Variants in SPATA17 observed in about 807,000 individuals in gnomAD.
SPATA17 encodes spermatogenesis associated 17.
Under a neutral mutation model 62.2 loss-of-function variants are expected in SPATA17, and 53 were observed. The observed-to-expected ratio is 0.85, with a 90% confidence interval of 0.68 to 1.07. The LOEUF (loss-of-function observed/expected upper bound fraction) is 1.07, where lower values mean the gene tolerates loss of function less well. Among genes scored for constraint, SPATA17 ranks in the 50% least tolerant of loss-of-function variants. SPATA17 has a pLI of 0.00. For synonymous variants in SPATA17, 146 were observed against 146.8 expected, an observed-to-expected ratio of 0.99 and a Z score of 0.04; for missense variants, 466 against 425.5, an observed-to-expected ratio of 1.10 and a Z score of -0.84.
chr1:217,801,983 G>T (rs1488867065), intron 9 of SPATA17, 133 bp downstream of exon 9: 2 of 935,230 alleles, frequency 2.1e-6, no homozygotes, highest in Non-Finnish European at 1.5e-6. Context: ...GCTGTTTTAG[G>T]TAAAGATGGT....
Position 217,787,714 on chromosome 1 carries a change from C to T in SPATA17, c.872+5392C>T, listed in dbSNP as rs569297866. Among the ~76,000 whole-genome samples, 3 of 152,062 alleles carry T rather than the reference C, an allele frequency of 2.0e-5. No individual in the cohort carries two copies. In the East Asian group the frequency reaches 5.8e-4, roughly 29 times the overall value. ...GTATCTGTCCAGGAATTTTTGGTTA[C>T]ATGTGCAATTATTAAACGCTCTTCA... On this transcript the variant is annotated intron_variant, in intron 8 of 10. Transcript: ENST00000366933.
chr1:217,633,306 G>T (rs1189427021), intron 1 of SPATA17, among the ~76,000 whole-genome samples: 3 of 151,862 alleles, frequency 2.0e-5, no homozygotes, highest in Non-Finnish European at 4.4e-5. Context: ...TATATATGAG[G>T]GATTGCACCA....
intron 3 of SPATA17, among the ~76,000 whole-genome samples, chr1:217,652,703 C>T (rs1670349957): frequency 6.6e-6 from 1 of 152,124 alleles, no homozygotes; most frequent in Non-Finnish European, 1.5e-5. Context: ...AGAATATATC[C>T]TAGGTGCCAG....
At chr1:217,672,004 T>C (rs1571721055) in intron 4 of SPATA17, among the ~76,000 whole-genome samples, 1 of 152,200 alleles carries the variant, frequency 6.6e-6, no homozygotes, top group Non-Finnish European at 1.5e-5. Context: ...ACAATAAGTT[T>C]ATAGCATTGG....
chr1:217,862,902 C>T, intron 10 of SPATA17, 46 bp downstream of exon 10: 1 of 1,273,218 alleles, frequency 7.9e-7, no homozygotes, highest in Non-Finnish European at 1.1e-6. Context: ...TATTAAATAA[C>T]ACTTAAAAAA....
intron 6 of SPATA17, among the ~76,000 whole-genome samples, chr1:217,748,875 G>C (rs1471622833): frequency 2.0e-5 from 3 of 151,736 alleles, no homozygotes; most frequent in Non-Finnish European, 4.4e-5. Flanking sequence ...CTTTTATTTT[G>C]AGATGATGAA....
At chr1:217,710,668 T>TA (rs1671837921) in intron 5 of SPATA17, among the ~76,000 whole-genome samples, 1 of 152,212 alleles carries the variant, frequency 6.6e-6, no homozygotes, top group South Asian at 2.1e-4. Context: ...GTTTTTATTA[T>TA]AACAGCTTTT....
intron 9 of SPATA17, among the ~76,000 whole-genome samples, chr1:217,815,129 A>T (rs1025056833): frequency 1.2e-4 from 19 of 152,262 alleles, no homozygotes; most frequent in Admixed American, 8.5e-4. Context: ...GTATAAGATT[A>T]TTGCTTAAGT....
intron 6 of SPATA17, among the ~76,000 whole-genome samples, chr1:217,760,166 T>C (rs1024055031): frequency 1.4e-4 from 21 of 152,182 alleles, no homozygotes; most frequent in Non-Finnish European, 2.4e-4. Context: ...CAAATTATGT[T>C]ACCACCAGAG....
intron 9 of SPATA17, among the ~76,000 whole-genome samples, chr1:217,816,969 C>T (rs1674733209): frequency 6.6e-6 from 1 of 151,970 alleles, no homozygotes. Flanking sequence ...CATAACTCAG[C>T]TATTCTTATC....
rs1333976843 is a variant in SPATA17, at chr1:217,801,737, T to C, written c.892T>C (p.Tyr298His). The C allele has an allele frequency of 6.2e-7, 1 of 1,603,082 alleles. No individual in the cohort carries two copies. Among genetic ancestry groups the C allele is most frequent in the African/African-American group, 1.3e-5 (1 of 74,212 alleles). ...NDNMFLPFSS[Y>H]HKNEKYIPSM... is the part of the protein sequence containing the mutation. ...TTTCAGGTTTTTGCCATTTTCTTCATACCATAAAAATGAAAAGTACATCCC... is the reference window on the plus strand; with the variant it reads ...TTTCAGGTTTTTGCCATTTTCTTCACACCATAAAAATGAAAAGTACATCCC... The change falls in exon 9 of 11, where the codon TAC (tyrosine) becomes CAC (histidine). Residue 298 changes from tyrosine to histidine, a missense_variant. Coordinates refer to ENST00000366933, the MANE Select transcript of SPATA17 (RefSeq NM_138796.4).
In SPATA17 at chr1:217,801,770, C is replaced by A. The variant is rs1390265844; in HGVS notation, c.925C>A (p.His309Asn). ...HKNEKYIPSMHLSSKYGPISY... is the reference protein window; with the variant it reads ...HKNEKYIPSMNLSSKYGPISY... Reference sequence around the variant, plus strand: ...AAATGAAAAGTACATCCCATCAATGCATTTATCAAGCAAGTATGGTCCTAT... The same window carrying A: ...AAATGAAAAGTACATCCCATCAATGAATTTATCAAGCAAGTATGGTCCTAT... The change falls in exon 9 of 11, where the codon CAT becomes AAT. Residue 309 changes from histidine (H) to asparagine (N), a missense_variant. His to Asn is a moderately conservative substitution (Grantham distance 68, BLOSUM62 1). Coordinates refer to ENST00000366933, the MANE Select transcript of SPATA17 (RefSeq NM_138796.4). 9.9e-6 allele frequency: 16 copies of A among 1,610,712 alleles called. No homozygotes were observed. The highest frequency in any genetic ancestry group is 1.4e-5 in the Non-Finnish European group (16 of 1,178,638).
chr1:217,731,606 A>C (rs1229200663), intron 5 of SPATA17, among the ~76,000 whole-genome samples: 3 of 152,114 alleles, frequency 2.0e-5, no homozygotes, highest in Non-Finnish European at 4.4e-5. Flanking sequence ...TGATCACCAT[A>C]ATCTGTTTAT....
chr1:217,635,574 C>T (rs941225935), intron 1 of SPATA17, among the ~76,000 whole-genome samples: 6 of 151,750 alleles, frequency 4.0e-5, no homozygotes, highest in African/African-American at 1.2e-4. Context: ...GGTGGTGGTG[C>T]GCACCTGTAG....
At chr1:217,862,887 A>G (rs1410901686) in intron 10 of SPATA17, 31 bp downstream of exon 10, 1 of 1,439,342 alleles carries the variant, frequency 6.9e-7, no homozygotes, top group Non-Finnish European at 9.6e-7. Context: ...GTAATTCAAA[A>G]AGTATATTAA....
chr1:217,648,947 G>A lies in SPATA17; in HGVS notation c.134G>A (p.Gly45Glu). The change falls in exon 2 of 11, where the codon GGA (glycine) becomes GAA (glutamate). Residue 45 changes from glycine (G) to glutamate (E), a missense_variant. Physicochemically the swap from Gly to Glu is moderately conservative, Grantham distance 98. Coordinates refer to ENST00000366933, the MANE Select transcript of SPATA17 (RefSeq NM_138796.4). ...AAVKIQSWFR[G>E]CQVRAYIRHL... ...GTTAAAATCCAAAGCTGGTTTCGAG[G>A]ATGTCAAGTTCGGGCATATATCAGG... 1 of 1,610,460 alleles carries A rather than the reference G, an allele frequency of 6.2e-7. No individual in the cohort carries two copies. The highest frequency in any genetic ancestry group is 8.5e-7 in the Non-Finnish European group (1 of 1,178,452).
chr1:217,784,458 G>C (rs1673806575), intron 8 of SPATA17, among the ~76,000 whole-genome samples: 1 of 152,046 alleles, frequency 6.6e-6, no homozygotes, highest in Admixed American at 6.6e-5. Flanking sequence ...TGTTATAGTA[G>C]AAGTAGTATG....
chr1:217,725,020 T>C (rs1189185045), intron 5 of SPATA17, among the ~76,000 whole-genome samples: 1 of 152,192 alleles, frequency 6.6e-6, no homozygotes, highest in Non-Finnish European at 1.5e-5. Flanking sequence ...TAATTTCTTT[T>C]ATAATTTCTT....
intron 4 of SPATA17, among the ~76,000 whole-genome samples, chr1:217,679,147 A>G (rs1671019146): frequency 6.6e-6 from 1 of 152,154 alleles, no homozygotes; most frequent in Non-Finnish European, 1.5e-5. Context: ...TGGTTAAACT[A>G]GTCTCCCTAT....
Sources: allele counts gnomAD v4.1 joint callset (sites outside exome capture counted in the v4.1 genomes callset), GRCh38; gene constraint gnomAD v4.1.1; transcripts MANE v1.5; gene names NCBI Gene and HGNC (gene_info 2026-07-23, HGNC 2026-07-21).